Variants in IRAG1 observed in about 807,000 individuals in gnomAD.
The protein encoded by IRAG1 is IP3R-associated cGMP kinase substrate.
Under a neutral mutation model 106.2 loss-of-function variants are expected in IRAG1, and 62 were observed. That is an observed-to-expected ratio of 0.58 (90% CI 0.48 to 0.72). The LOEUF is 0.72. Among genes scored for constraint, IRAG1 ranks in the 30% least tolerant of loss-of-function variants. The probability of loss-of-function intolerance (pLI) is 0.00; values close to 1 mark genes in which losing one functional copy is unlikely to be tolerated. For missense variants in IRAG1, 1,064 were observed against 1,140.7 expected (o/e 0.93, Z 0.97); for synonymous variants, 462 against 443.9 (o/e 1.04, Z -0.51).
At chr11:10,622,447 C>T (rs573902155) in intron 10 of IRAG1, among the ~76,000 whole-genome samples, 1 of 152,298 alleles carries the variant, frequency 6.6e-6, no homozygotes, top group South Asian at 2.1e-4. Flanking sequence ...ACTATGGTTA[C>T]AGTTACAAAT....
At chr11:10,680,212 G>T (rs561978078) in intron 1 of IRAG1, among the ~76,000 whole-genome samples, 3 of 148,252 alleles carry the variant, frequency 2.0e-5, no homozygotes, top group South Asian at 2.2e-4. Context: ...GGTGGAGGTT[G>T]CAGTGAGCAG....
intron 1 of IRAG1, among the ~76,000 whole-genome samples, chr11:10,675,246 AT>A (rs1860561013): frequency 6.6e-6 from 1 of 152,134 alleles, no homozygotes; most frequent in Non-Finnish European, 1.5e-5. Context: ...CATTTCTAAA[AT>A]GTCCCCATTC....
rs779672288 is a variant in IRAG1 at position 10,582,910 on chromosome 11, G to A, written c.2241-924C>T. 1.6e-4 allele frequency among the ~76,000 whole-genome samples: 25 copies of A among 152,254 alleles called. No individual in the cohort carries two copies. The South Asian group carries it at 1.7e-3, about 10-fold the overall frequency. ...GCAGAGGTTGCAGTGAGCTGAGATC[G>A]CACCACTGCACTCCAGCCTGGATGA... On this transcript the variant is annotated intron_variant, in intron 18 of 20. Transcript: ENST00000423302.
intron 1 of IRAG1, among the ~76,000 whole-genome samples, chr11:10,686,474 A>G (rs115900986): frequency 0.021 from 3,251 of 152,266 alleles, 113 homozygotes; most frequent in African/African-American, 0.074. Context: ...AGACTAGGAG[A>G]CCTGATAAAG....
chr11:10,607,752 C>G (rs1854599087), intron 11 of IRAG1, among the ~76,000 whole-genome samples: 1 of 152,138 alleles, frequency 6.6e-6, no homozygotes, highest in Non-Finnish European at 1.5e-5. Flanking sequence ...TCAGCCATCT[C>G]TGCAGGGGGC....
chr11:10,669,286 C>T (rs1252771326), intron 1 of IRAG1, among the ~76,000 whole-genome samples: 1 of 152,184 alleles, frequency 6.6e-6, no homozygotes, highest in African/African-American at 2.4e-5. Context: ...TATGAAACTA[C>T]TCTGTGACCT....
chr11:10,640,970 T>A (rs1857466753), intron 2 of IRAG1, among the ~76,000 whole-genome samples: 2 of 152,238 alleles, frequency 1.3e-5, no homozygotes, highest in Non-Finnish European at 2.9e-5. Flanking sequence ...ATGCCCCAGT[T>A]ATATTTGAAT....
At chr11:10,613,236 A>C (rs368431124) in intron 10 of IRAG1, among the ~76,000 whole-genome samples, 1 of 148,512 alleles carries the variant, frequency 6.7e-6, no homozygotes, top group East Asian at 2.0e-4. Flanking sequence ...GCATCATGTT[A>C]AAAAATATAT....
At chr11:10,680,368 A>AGAAG (rs1554935659) in intron 1 of IRAG1, among the ~76,000 whole-genome samples, 84 of 80,948 alleles carry the variant, frequency 1.0e-3, no homozygotes, top group South Asian at 1.6e-3. Flanking sequence ...AAAGAAAGAA[A>AGAAG]GAAGGAAGGA....
At chr11:10,641,742 A>G (rs1025325112) in intron 2 of IRAG1, among the ~76,000 whole-genome samples, 6 of 152,220 alleles carry the variant, frequency 3.9e-5, no homozygotes, top group African/African-American at 1.4e-4. Context: ...GGAAACGAGA[A>G]GATGAAAGTG....
chr11:10,686,892 T>C (rs1041452857), intron 1 of IRAG1, among the ~76,000 whole-genome samples: 2 of 152,230 alleles, frequency 1.3e-5, no homozygotes, highest in African/African-American at 2.4e-5. Context: ...TTCCCATATA[T>C]TTTCTCATCT....
chr11:10,582,836 A>C (rs1384633119), intron 18 of IRAG1, among the ~76,000 whole-genome samples: 1 of 152,170 alleles, frequency 6.6e-6, no homozygotes, highest in Non-Finnish European at 1.5e-5. Flanking sequence ...CACACCTGTA[A>C]TCCCAGGTAC....
rs901121032 is a variant in IRAG1, at chr11:10,665,556, C to T, written c.68-13374G>A. Among the ~76,000 whole-genome samples, 7 of 152,204 alleles carry T rather than the reference C, an allele frequency of 4.6e-5. No homozygotes were observed. Among genetic ancestry groups the T allele is most frequent in the African/African-American group, 1.7e-4 (7 of 41,440 alleles). ...CACTCCACCTACCTATCCCTCAGCT[C>T]AGAGCTGGATAGGCTCTCACTCTCA... On this transcript the variant is annotated intron_variant, in intron 1 of 20. Transcript: ENST00000423302. This position sits in a 1 kb window ranked among gnomAD's most constrained non-coding sequence, Gnocchi z 4.2.
chr11:10,637,100 A>G (rs1381210326), intron 2 of IRAG1, among the ~76,000 whole-genome samples: 1 of 152,264 alleles, frequency 6.6e-6, no homozygotes, highest in East Asian at 1.9e-4. Context: ...CCAAAGGGAA[A>G]TACAGAAATG....
chr11:10,648,355 C>T (rs987876571), intron 2 of IRAG1, among the ~76,000 whole-genome samples: 2 of 152,182 alleles, frequency 1.3e-5, no homozygotes, highest in African/African-American at 4.8e-5. Context: ...CAAAGCAAGA[C>T]TCTGTCTCAA....
At chr11:10,596,279 C>T (rs543717647) in intron 15 of IRAG1, among the ~76,000 whole-genome samples, 1 of 152,304 alleles carries the variant, frequency 6.6e-6, no homozygotes, top group South Asian at 2.1e-4. Flanking sequence ...CTTTACCAAG[C>T]CCTCAATCTT....
intron 13 of IRAG1, 82 bp downstream of exon 13, chr11:10,604,323 C>T: frequency 6.4e-7 from 1 of 1,551,822 alleles, no homozygotes; most frequent in South Asian, 1.2e-5. Flanking sequence ...ATACTTGGTA[C>T]CTGAGAGAAG....
intron 1 of IRAG1, among the ~76,000 whole-genome samples, chr11:10,662,331 G>A (rs550721790): frequency 6.4e-4 from 97 of 152,274 alleles, no homozygotes; most frequent in African/African-American, 2.2e-3. Context: ...AGCTTCCCCA[G>A]GTTAATGGCC....
chr11:10,660,178 A>G (rs1042254168), intron 1 of IRAG1, among the ~76,000 whole-genome samples: 1 of 152,260 alleles, frequency 6.6e-6, no homozygotes, highest in African/African-American at 2.4e-5. Context: ...GTTCCAGCTC[A>G]TAAGAGTCTA....
Sources: gnomAD v4.1 joint callset for allele counts (sites outside exome capture counted in the v4.1 genomes callset) on GRCh38, gnomAD v4.1.1 for gene constraint, Gnocchi (gnomAD v3.1) non-coding constraint, MANE v1.5 for transcripts, NCBI Gene and HGNC (gene_info 2026-07-23, HGNC 2026-07-21) for gene names.